RABAC1: variants seen among roughly 807,000 people sequenced by gnomAD.
The protein encoded by RABAC1 is Rab acceptor 1, also known as prenylated Rab acceptor protein 1.
RABAC1 carries 16 observed loss-of-function variants against 22.9 expected under a neutral mutation model. That is an observed-to-expected ratio of 0.70 (90% CI 0.47 to 1.06). RABAC1 has a LOEUF of 1.06. RABAC1 is among the 50% of genes least tolerant of loss of function. RABAC1 has a pLI of 0.00. For synonymous variants in RABAC1, 139 were observed against 107.7 expected (o/e 1.29, Z -1.80); for missense variants, 227 against 246.5 (o/e 0.92, Z 0.53).
chr19:41,959,206 T>C (rs1344012669), intron 1 of RABAC1, 31 bp downstream of exon 1: 1 of 1,612,902 alleles, frequency 6.2e-7, no homozygotes. Context: ...CCCGGGTCTC[T>C]GGTCCGAGGG....
chr19:41,956,769 C>T lies in RABAC1; in HGVS notation c.*77G>A. The T allele has an allele frequency of 7.3e-7, 1 of 1,362,590 alleles. No individual in the cohort carries two copies. The highest frequency in any genetic ancestry group is 1.4e-5 in the South Asian group (1 of 72,334). The allele number at this position is 1,362,590 out of a possible 1,614,324, so 84.4% of individuals were successfully genotyped here. A position where few individuals can be genotyped will look rare whatever the true frequency, so the allele number is the denominator to read the frequency against. On this transcript the variant is annotated 3_prime_UTR_variant, in exon 5 of 5. Transcript: ENST00000222008. ...GATGGGACGGCGCTGTGGGCCCGAG[C>T]AGCAGAGCCGTGCAGGACAGGCATG...
Position 41,957,109 on chromosome 19 carries a change from C to T in RABAC1, c.378G>A (p.Val126=). Residue 126 remains valine (V), a synonymous_variant, in exon 4 of 5, where the codon GTG becomes GTA. Coordinates refer to ENST00000222008, the MANE Select transcript of RABAC1 (RefSeq NM_006423.3). The part of the protein sequence containing the change: ...ESKLVLFGRE[V]SPAHQYALAG... Reference sequence around the variant, plus strand: ...CCAGAGCATACTGATGCGCTGGGCTCACCTCTCGGCCTGGGGGCAGATGGC... The same window carrying T: ...CCAGAGCATACTGATGCGCTGGGCTTACCTCTCGGCCTGGGGGCAGATGGC... The T allele has an allele frequency of 6.2e-7, 1 of 1,613,608 alleles. No homozygotes were observed. Among genetic ancestry groups the T allele is most frequent in the South Asian group, 1.1e-5 (1 of 91,072 alleles).
intron 2 of RABAC1, 152 bp from the exon 3 acceptor site, chr19:41,958,535 G>A (rs1249774041): frequency 4.3e-6 from 4 of 922,502 alleles, no homozygotes; most frequent in Non-Finnish European, 6.8e-6. Context: ...TGGCCAGGGT[G>A]ATGGTGGGGT....
chr19:41,958,134 T>C (rs2074998269), intron 3 of RABAC1, 152 bp downstream of exon 3: 1 of 668,106 alleles, frequency 1.5e-6, no homozygotes, highest in South Asian at 1.8e-5. Flanking sequence ...GTCTGAGATT[T>C]TAAGGGATCA....
Position 41,958,793 on chromosome 19 carries a change from A to C in RABAC1, c.212T>G (p.Val71Gly). 1 of 1,612,612 alleles carries C rather than the reference A, an allele frequency of 6.2e-7. No homozygotes were observed. Among genetic ancestry groups the C allele is most frequent in the Middle Eastern group, 1.6e-4 (1 of 6,062 alleles). Reference sequence around the variant, plus strand: ...CACATAGTTGCTCTGGTAGTACTCCACGTTGCGTACGAGGCGCTGGCACAG... The same window carrying C: ...CACATAGTTGCTCTGGTAGTACTCCCCGTTGCGTACGAGGCGCTGGCACAG... ...GELCQRLVRN[V>G]EYYQSNYVFV... Residue 71 changes from valine (V) to glycine (G), a missense_variant, in exon 2 of 5, where the codon GTG becomes GGG. Transcript: ENST00000222008.
chr19:41,957,233 A>C (rs2074994260), intron 3 of RABAC1, 114 bp from the exon 4 acceptor site: 2 of 874,062 alleles, frequency 2.3e-6, no homozygotes, highest in Admixed American at 2.3e-5. Context: ...ATCGAATCCA[A>C]ACTCCTCATG....
intron 3 of RABAC1, 166 bp from the exon 4 acceptor site, chr19:41,957,285 GT>G: frequency 1.6e-6 from 1 of 615,806 alleles, no homozygotes; most frequent in Non-Finnish European, 2.9e-6. Context: ...TTCCCCTGCT[GT>G]CCCCACTGCC....
Position 41,958,285 on chromosome 19 carries a change from C to A in RABAC1, c.367+1G>T. 6.2e-7 allele frequency: 1 copy of A among 1,610,574 alleles called. No homozygotes were observed. On this transcript the variant is annotated splice_donor_variant, in intron 3 of 4. Coordinates refer to ENST00000222008, the MANE Select transcript of RABAC1 (RefSeq NM_006423.3). LOFTEE classifies it high-confidence loss of function. ...ATTCATCTGGGCAGGGGGTTTCTCACCAAAGAGCACAAGCTTGGACTCCAA... is the reference window on the plus strand; with the variant it reads ...ATTCATCTGGGCAGGGGGTTTCTCAACAAAGAGCACAAGCTTGGACTCCAA...
chr19:41,959,190 C>T, intron 1 of RABAC1, 47 bp downstream of exon 1: 1 of 1,610,714 alleles, frequency 6.2e-7, no homozygotes, highest in Non-Finnish European at 8.5e-7. Flanking sequence ...GCCGGGGGCC[C>T]GGACTCCCGG....
At chr19:41,958,992 C>T in intron 1 of RABAC1, 44 bp from the exon 2 acceptor site, 3 of 1,501,726 alleles carry the variant, frequency 2.0e-6, no homozygotes, top group Non-Finnish European at 2.7e-6. Flanking sequence ...GGGATGGAGC[C>T]CCAGACCCCC....
rs782267964 is a variant in RABAC1 at position 41,958,717 on chromosome 19, G to A, written c.269+19C>T. ...GCCGGTCGGGGCTAGTGCGGGTGCG[G>A]GGCCCGGGAGGCACTCACACACAGT... On this transcript the variant is annotated intron_variant, in intron 2 of 4. Transcript: ENST00000222008. The A allele has an allele frequency of 6.2e-6, 10 of 1,605,350 alleles. No individual in the cohort carries two copies. The highest frequency in any genetic ancestry group is 1.3e-5 in the African/African-American group (1 of 74,696).
At position 41,959,314 on chromosome 19, in the gene RABAC1, G is replaced by A. The variant is rs782752967; in HGVS notation, c.-22C>T. 2 of 1,613,394 alleles carry A rather than the reference G, an allele frequency of 1.2e-6. No individual in the cohort carries two copies. The highest frequency in any genetic ancestry group is 2.2e-5 in the South Asian group (2 of 91,070). ...CCATGTCTGCGTCGTGAGGGGTAGA[G>A]CTGCTGTAACCAGCCCGGTACCCTG... is the stretch of plus-strand genomic sequence containing the variant. On this transcript the variant is annotated 5_prime_UTR_variant, in exon 1 of 5. Transcript: ENST00000222008.
chr19:41,957,847 C>T (rs1214119828), intron 3 of RABAC1: 2 of 171,136 alleles, frequency 1.2e-5, no homozygotes, highest in East Asian at 1.6e-4. Context: ...ACATACTCCT[C>T]GGCTTCCCTC....
chr19:41,956,975 T>C (rs782326907), intron 4 of RABAC1, 41 bp from the exon 5 acceptor site: 24 of 1,612,950 alleles, frequency 1.5e-5, no homozygotes, highest in Non-Finnish European at 2.0e-5. Context: ...CTCCTGCACC[T>C]GGCTCCCACC....
At chr19:41,957,397 C>A (rs2074995008) in intron 3 of RABAC1, 1 of 485,652 alleles carries the variant, frequency 2.1e-6, no homozygotes, top group Non-Finnish European at 3.7e-6. Flanking sequence ...TTCCTGCTCC[C>A]TAGACTAGGG....
At chr19:41,959,067 C>T in intron 1 of RABAC1, 119 bp from the exon 2 acceptor site, 1 of 1,331,560 alleles carries the variant, frequency 7.5e-7, no homozygotes, top group Non-Finnish European at 1.0e-6. Context: ...GTACAGCAGG[C>T]AGGGAGGGGA....
At chr19:41,957,341 T>C (rs1450338591) in intron 3 of RABAC1, 1 of 550,328 alleles carries the variant, frequency 1.8e-6, no homozygotes, top group Non-Finnish European at 3.3e-6. Flanking sequence ...AGCCCCACCC[T>C]CTGCCCTCTG....
At chr19:41,957,456 C>A (rs1246559912) in intron 3 of RABAC1, 1 of 307,122 alleles carries the variant, frequency 3.3e-6, no homozygotes, top group Non-Finnish European at 6.1e-6. Context: ...ACTGGTGGCC[C>A]AAGGGCCAAA....
Position 41,956,687 on chromosome 19 carries a change from C to G in RABAC1, c.*159G>C. ...ACAGAAGATGCTGGGGGAATATTTC[C>G]TGAATGACACCCATAACAGCTTTAT... On this transcript the variant is annotated 3_prime_UTR_variant, in exon 5 of 5. Transcript: ENST00000222008. 1 of 638,622 alleles carries G rather than the reference C, an allele frequency of 1.6e-6. No homozygotes were observed. 39.6% of individuals were successfully genotyped at this position (638,622 alleles called of 1,614,324 possible).
Sources: allele counts gnomAD v4.1 joint callset, GRCh38; gene constraint gnomAD v4.1.1; transcripts MANE v1.5; gene names NCBI Gene and HGNC (gene_info 2026-07-23, HGNC 2026-07-21).